Variants in PIK3AP1 observed in about 807,000 individuals in gnomAD.
PIK3AP1 encodes phosphoinositide-3-kinase adaptor protein 1, also known as phosphoinositide 3-kinase adapter protein 1.
A neutral mutation model predicts 88.1 loss-of-function variants in PIK3AP1; 21 were observed. The observed-to-expected ratio is 0.24, with a 90% CI of 0.17 to 0.34. The LOEUF is 0.34. Among genes scored for constraint, PIK3AP1 ranks in the 10% least tolerant of loss-of-function variants. The pLI is 1.00. For synonymous variants in PIK3AP1, 398 were observed against 400.0 expected (o/e 1.00, Z 0.06); for missense variants, 828 against 1,035.7 (o/e 0.80, Z 2.75).
In PIK3AP1 at chr10:96,652,031, G is replaced by C. The variant is rs530888207; in HGVS notation, c.713-380C>G. Among the ~76,000 whole-genome samples the C allele has an allele frequency of 2.6e-5, 4 of 152,222 alleles. No homozygotes were observed. In the East Asian group the frequency reaches 5.8e-4, roughly 22 times the overall value. ...GAAAAATCATGGGAGGTGAAACTGT[G>C]TTTCTGCCACATTGGGGCAGCTGAA... On this transcript the variant is annotated intron_variant, in intron 4 of 16. Transcript: ENST00000339364.
At position 96,656,805 on chromosome 10, in the gene PIK3AP1, C is replaced by G. The variant is rs1564973088; in HGVS notation, c.560G>C (p.Arg187Pro). 1 of 1,613,926 alleles carries G rather than the reference C, an allele frequency of 6.2e-7. No individual in the cohort carries two copies. The highest frequency in any genetic ancestry group is 1.1e-5 in the South Asian group (1 of 91,078). Residue 187 changes from arginine to proline, a missense_variant, in exon 3 of 17, where the codon CGC (arginine) becomes CCC (proline). Physicochemically the swap from Arg to Pro is moderately radical, Grantham distance 103 (BLOSUM62 -2). This residue lies in a region of PIK3AP1 where 610 missense variants were observed against 760.1 expected (regional missense o/e 0.80). Coordinates refer to ENST00000339364, the MANE Select transcript of PIK3AP1 (RefSeq NM_152309.3). ...GCCCCCAGCAGTGCCTACCCCACAG[C>G]GAATGCGGTCCGGCTGCACCACCAT... ...NLMVVQPDRIRCGAETTVYVI... is the reference protein window; with the variant it reads ...NLMVVQPDRIPCGAETTVYVI...
intron 2 of PIK3AP1, among the ~76,000 whole-genome samples, chr10:96,681,795 C>T (rs1455428941): frequency 6.6e-6 from 1 of 152,128 alleles, no homozygotes; most frequent in African/African-American, 2.4e-5. Flanking sequence ...GCATCTGGAA[C>T]ACTTTTAAAA....
chr10:96,719,747 C>T (rs1320287355), intron 1 of PIK3AP1, among the ~76,000 whole-genome samples: 1 of 152,198 alleles, frequency 6.6e-6, no homozygotes, highest in African/African-American at 2.4e-5. Context: ...GCTTGGCACC[C>T]TTTGATGAGT....
At chr10:96,651,051 G>A (rs927911208) in intron 6 of PIK3AP1, among the ~76,000 whole-genome samples, 197 bp downstream of exon 6, 10 of 152,240 alleles carry the variant, frequency 6.6e-5, no homozygotes, top group Non-Finnish European at 1.2e-4. Flanking sequence ...TTTTGAGAAG[G>A]GGGTAAAGTA....
Position 96,595,396 on chromosome 10 carries a change from CT to C in PIK3AP1, c.*180del, listed in dbSNP as rs1848737380. 3.2e-6 allele frequency: 2 copies of C among 631,654 alleles called. No individual in the cohort carries two copies. The highest frequency in any genetic ancestry group is 5.6e-5 in the East Asian group (2 of 35,446). The allele number at this position is 631,654 out of a possible 1,614,324, so 39.1% of individuals were successfully genotyped here. ...GAATGAAGCCCTTAGTTTTTCACTT[CT>C]TCGTGCCTTAATAAAATCTTCGAGG... is the stretch of plus-strand genomic sequence containing the variant. On this transcript the variant is annotated 3_prime_UTR_variant, in exon 17 of 17. Transcript: ENST00000339364.
At chr10:96,665,161 A>G (rs528244583) in intron 2 of PIK3AP1, among the ~76,000 whole-genome samples, 2 of 152,232 alleles carry the variant, frequency 1.3e-5, no homozygotes, top group Non-Finnish European at 2.9e-5. Context: ...AAAATTTCAC[A>G]ATATCCTCTC....
intron 8 of PIK3AP1, among the ~76,000 whole-genome samples, chr10:96,628,895 T>TATACACAC (rs1843195196): frequency 3.4e-5 from 1 of 29,420 alleles, no homozygotes; most frequent in African/African-American, 9.5e-5. Context: ...TATACATATA[T>TATACACAC]ATATATATAT....
At chr10:96,690,367 A>G (rs1315330274) in intron 2 of PIK3AP1, among the ~76,000 whole-genome samples, 1 of 152,116 alleles carries the variant, frequency 6.6e-6, no homozygotes, top group African/African-American at 2.4e-5. Context: ...GGCTCAAGTG[A>G]TCCTCCCACC....
intron 13 of PIK3AP1, among the ~76,000 whole-genome samples, chr10:96,613,287 C>T (rs1451613111): frequency 6.6e-6 from 1 of 152,064 alleles, no homozygotes; most frequent in Non-Finnish European, 1.5e-5. Context: ...GTGTGAGCCA[C>T]TGCACCCAGC....
intron 2 of PIK3AP1, among the ~76,000 whole-genome samples, chr10:96,692,755 C>A (rs1421203473): frequency 6.6e-6 from 1 of 152,118 alleles, no homozygotes; most frequent in Non-Finnish European, 1.5e-5. Context: ...CATTTGACTG[C>A]AGAATTAGCC....
chr10:96,720,511 C>T lies in PIK3AP1; in HGVS notation c.-117G>A. On this transcript the variant is annotated 5_prime_UTR_variant, in exon 1 of 17. Coordinates refer to ENST00000339364, the MANE Select transcript of PIK3AP1 (RefSeq NM_152309.3). The surrounding 1 kb of genome is among the most constrained non-coding windows in gnomAD (Gnocchi z 4.6). ...GGGCTCCGCGCGGGACCGGCCGCCG[C>T]TCTGGCGCTTCCTCCCTCAGGGCAG... is the stretch of plus-strand genomic sequence containing the variant. 1.0e-6 allele frequency: 1 copy of T among 964,748 alleles called. No homozygotes were observed. The highest frequency in any genetic ancestry group is 1.3e-6 in the Non-Finnish European group (1 of 759,064). 59.8% of individuals were successfully genotyped at this position (964,748 alleles called of 1,614,324 possible). A position where few individuals can be genotyped will look rare whatever the true frequency, so the allele number is the denominator to read the frequency against.
At chr10:96,595,940 A>G (rs1486768337) in intron 16 of PIK3AP1, among the ~76,000 whole-genome samples, 1 of 152,108 alleles carries the variant, frequency 6.6e-6, no homozygotes, top group Non-Finnish European at 1.5e-5. Flanking sequence ...TCCCTCCCCA[A>G]ACAGCTGTCC....
chr10:96,657,555 C>T (rs1323774416), intron 2 of PIK3AP1, among the ~76,000 whole-genome samples: 2 of 152,124 alleles, frequency 1.3e-5, no homozygotes, highest in Non-Finnish European at 2.9e-5. Context: ...GTGGTATTGG[C>T]ACAGAATGAG....
chr10:96,601,473 CAAAAAAAAA>C (rs11407501), intron 16 of PIK3AP1, among the ~76,000 whole-genome samples: 2 of 75,480 alleles, frequency 2.6e-5, no homozygotes, highest in African/African-American at 4.9e-5. Context: ...GAATCTATCT[CAAAAAAAAA>C]AAAAAAAAAA....
chr10:96,607,427 A>G (rs535896203), intron 14 of PIK3AP1, among the ~76,000 whole-genome samples: 1 of 152,324 alleles, frequency 6.6e-6, no homozygotes, highest in African/African-American at 2.4e-5. Flanking sequence ...GCAAAGAGAA[A>G]GCATTTGATT....
At chr10:96,673,913 C>CT (rs1843882114) in intron 2 of PIK3AP1, among the ~76,000 whole-genome samples, 1 of 152,224 alleles carries the variant, frequency 6.6e-6, no homozygotes, top group South Asian at 2.1e-4. Flanking sequence ...CCCACTTAGG[C>CT]TGACCCTTCG....
At chr10:96,630,570 C>A (rs1843230948) in intron 8 of PIK3AP1, among the ~76,000 whole-genome samples, 1 of 152,058 alleles carries the variant, frequency 6.6e-6, no homozygotes, top group South Asian at 2.1e-4. Context: ...CACAGGGTAT[C>A]ACACCTGTAA....
chr10:96,661,665 A>G (rs1411491618), intron 2 of PIK3AP1, among the ~76,000 whole-genome samples: 2 of 152,210 alleles, frequency 1.3e-5, no homozygotes, highest in African/African-American at 4.8e-5. Context: ...ATGTGCCTGC[A>G]GTCCCAGCTA....
Position 96,656,837 on chromosome 10 carries a change from C to G in PIK3AP1, c.528G>C (p.Gly176=), listed in dbSNP as rs1198843653. The change falls in exon 3 of 17, where the codon GGG becomes GGC. Residue 176 remains glycine, a synonymous_variant. Transcript: ENST00000339364. ...QQNLPTVTSP[G]NLMVVQPDRI... is the part of the protein sequence containing the mutation. The stretch of plus-strand genomic sequence containing the variant: ...GGTCCGGCTGCACCACCATCAGGTT[C>G]CCAGGTGAAGTCACCGTCGGCAGGT... The G allele has an allele frequency of 1.2e-6, 2 of 1,614,134 alleles. No individual in the cohort carries two copies. Among genetic ancestry groups the G allele is most frequent in the Middle Eastern group, 1.7e-4 (1 of 6,054 alleles).
Sources: gnomAD v4.1 joint callset for allele counts (sites outside exome capture counted in the v4.1 genomes callset) on GRCh38, gnomAD v4.1.1 for gene constraint, gnomAD v4.1.1 regional missense constraint, Gnocchi (gnomAD v3.1) non-coding constraint, MANE v1.5 for transcripts, NCBI Gene and HGNC (gene_info 2026-07-23, HGNC 2026-07-21) for gene names.